EVC: variants seen among roughly 807,000 people sequenced by gnomAD.
EVC encodes the protein EvC ciliary complex subunit 1, also known as evC complex member EVC.
EVC carries 116 observed loss-of-function variants against 118.9 expected under a neutral mutation model. The observed-to-expected ratio is 0.98, with a 90% CI of 0.84 to 1.14. EVC has a LOEUF of 1.14. Ranked by LOEUF, EVC falls within the 50% of genes most tolerant of loss-of-function variation. The pLI, the probability that EVC is intolerant of heterozygous loss-of-function variation, is 0.00. For synonymous variants in EVC, 619 were observed against 534.7 expected (o/e 1.16, Z -2.18); for missense variants, 1,401 against 1,246.4 (o/e 1.12, Z -1.87).
chr4:5,796,144 G>A (rs556040260), intron 13 of EVC, among the ~76,000 whole-genome samples: 5 of 152,220 alleles, frequency 3.3e-5, no homozygotes, highest in Non-Finnish European at 5.9e-5. Flanking sequence ...GTTCTAGGAT[G>A]TCCATTTGAT....
intron 11 of EVC, among the ~76,000 whole-genome samples, chr4:5,775,372 A>G (rs115059490): frequency 0.011 from 1,673 of 152,198 alleles, 35 homozygotes; most frequent in African/African-American, 0.037. Context: ...AACACCCCCA[A>G]TGCCTCCTCC....
rs1374337054 is a variant in EVC at position 5,776,314 on chromosome 4, A to G, written c.1564-7238A>G. 3.3e-5 allele frequency among the ~76,000 whole-genome samples: 5 copies of G among 152,116 alleles called. 1 individual carries two copies. The highest frequency in any genetic ancestry group is 7.2e-5 in the African/African-American group (3 of 41,400). On this transcript the variant is annotated intron_variant, in intron 11 of 20. Transcript: ENST00000264956. ...ATGTTTTGTTTTCTTTTTCTTAAAG[A>G]CTATTTTATCTGCTATTCATGTAGC... is the stretch of plus-strand genomic sequence containing the variant.
intron 5 of EVC, among the ~76,000 whole-genome samples, chr4:5,740,012 C>T (rs145179093): frequency 6.6e-6 from 1 of 152,040 alleles, no homozygotes; most frequent in East Asian, 1.9e-4. Context: ...AAAAGCACTT[C>T]AATGGAGGAA....
At chr4:5,781,048 C>T (rs1735532234) in intron 11 of EVC, among the ~76,000 whole-genome samples, 1 of 152,192 alleles carries the variant, frequency 6.6e-6, no homozygotes, top group Non-Finnish European at 1.5e-5. Context: ...ACGGGCACAT[C>T]TCCTTCCTGT....
chr4:5,719,217 C>G lies in EVC; in HGVS notation c.175-31C>G. 6.2e-7 allele frequency: 1 copy of G among 1,613,948 alleles called. No individual in the cohort carries two copies. The highest frequency in any genetic ancestry group is 2.2e-5 in the East Asian group (1 of 44,862). On this transcript the variant is annotated intron_variant, in intron 1 of 20. Coordinates refer to ENST00000264956, the MANE Select transcript of EVC (RefSeq NM_153717.3). This position sits in a 1 kb window ranked among gnomAD's most constrained non-coding sequence, Gnocchi z 4.7. ...ACTGACCTCAATGTTGTGTTTCTAT[C>G]CACCCCCAACTCCTGACCTTCGGGT... is the stretch of plus-strand genomic sequence containing the variant.
Position 5,743,741 on chromosome 4 carries a change from T to A in EVC, c.802-1463T>A, listed in dbSNP as rs991542324. 1.3e-5 allele frequency among the ~76,000 whole-genome samples: 2 copies of A among 152,254 alleles called. No homozygotes were observed. The highest frequency in any genetic ancestry group is 4.8e-5 in the African/African-American group (2 of 41,476). On this transcript the variant is annotated intron_variant, in intron 6 of 20. Coordinates refer to ENST00000264956, the MANE Select transcript of EVC (RefSeq NM_153717.3). The surrounding 1 kb of genome is among the most constrained non-coding windows in gnomAD (Gnocchi z 4.7). ...ATCCTCAGTATCACCACCATGGTCA[T>A]GGTCCTCAGGCAGTGCACGTCGTGC...
Position 5,719,282 on chromosome 4 carries a change from A to T in EVC, c.209A>T (p.Glu70Val). The T allele has an allele frequency of 6.2e-7, 1 of 1,614,140 alleles. No individual in the cohort carries two copies. Among genetic ancestry groups the T allele is most frequent in the Non-Finnish European group, 8.5e-7 (1 of 1,180,032 alleles). ...ACTCAAAATCTGCTCAAGAATTTGG[A>T]GTCTAATGCGCAGACCCCCTCGGAA... is the stretch of plus-strand genomic sequence containing the variant. ...DDTQNLLKNL[E>V]SNAQTPSETG... Residue 70 changes from glutamate (E) to valine (V), a missense_variant, in exon 2 of 21, where the codon GAG becomes GTG. Coordinates refer to ENST00000264956, the MANE Select transcript of EVC (RefSeq NM_153717.3). This position sits in a 1 kb window ranked among gnomAD's most constrained non-coding sequence, Gnocchi z 4.7.
At chr4:5,721,669 C>A (rs1373397226) in intron 2 of EVC, among the ~76,000 whole-genome samples, 1 of 152,110 alleles carries the variant, frequency 6.6e-6, no homozygotes, top group Non-Finnish European at 1.5e-5. Context: ...GAGTTTGAGA[C>A]CAGCCTGGCC....
At chr4:5,726,840 C>G (rs552609131) in intron 2 of EVC, among the ~76,000 whole-genome samples, 49 of 149,736 alleles carry the variant, frequency 3.3e-4, no homozygotes, top group Admixed American at 8.0e-4. Context: ...TTTGTTCTTG[C>G]GATAGTTTAC....
chr4:5,788,972 G>T (rs1479077522), intron 12 of EVC, among the ~76,000 whole-genome samples: 1 of 152,158 alleles, frequency 6.6e-6, no homozygotes, highest in South Asian at 2.1e-4. Context: ...AGTGTGGCCC[G>T]GGGAAGTCAA....
chr4:5,753,208 G>A (rs1012586989), intron 9 of EVC, among the ~76,000 whole-genome samples, 156 bp downstream of exon 9: 4 of 152,228 alleles, frequency 2.6e-5, no homozygotes, highest in African/African-American at 9.6e-5. Context: ...TCACTGGGCT[G>A]CTCTCTGGGG....
At chr4:5,722,115 A>ATAACC (rs1217426848) in intron 2 of EVC, among the ~76,000 whole-genome samples, 1 of 152,170 alleles carries the variant, frequency 6.6e-6, no homozygotes, top group Admixed American at 6.5e-5. Flanking sequence ...GGCAGGAAGC[A>ATAACC]TAACCTGTCT....
the EVC span, chr4:5,824,608 C>T: frequency 5.3e-6 from 5 of 952,310 alleles, no homozygotes; most frequent in African/African-American, 8.9e-5. Context: ...TCTGTACGAT[C>T]CATGACCTGA....
chr4:5,748,759 C>T (rs1729867807), intron 8 of EVC, among the ~76,000 whole-genome samples: 1 of 97,132 alleles, frequency 1.0e-5, no homozygotes, highest in African/African-American at 4.4e-5. Flanking sequence ...CATCCATTTA[C>T]TCATCCATCC....
At chr4:5,730,278 T>C (rs1726575310) in intron 3 of EVC, among the ~76,000 whole-genome samples, 1 of 152,150 alleles carries the variant, frequency 6.6e-6, no homozygotes, top group Non-Finnish European at 1.5e-5. Context: ...ATCTTGTCAA[T>C]TATTATTTGC....
intron 12 of EVC, among the ~76,000 whole-genome samples, chr4:5,792,137 T>C (rs1219028349): frequency 1.3e-5 from 2 of 152,158 alleles, no homozygotes; most frequent in Non-Finnish European, 2.9e-5. Context: ...GCACATTTCA[T>C]AATATCTAGA....
At chr4:5,825,397 T>C in the EVC span, 2 of 1,471,148 alleles carry the variant, frequency 1.4e-6, no homozygotes, top group Non-Finnish European at 1.8e-6. This position sits in a 1 kb window ranked among gnomAD's most constrained non-coding sequence, Gnocchi z 4.4. Context: ...CTTCATCTAG[T>C]GTCCAAGGCC....
At chr4:5,718,965 C>T (rs988007707) in intron 1 of EVC, among the ~76,000 whole-genome samples, 1 of 152,204 alleles carries the variant, frequency 6.6e-6, no homozygotes, top group Non-Finnish European at 1.5e-5. Flanking sequence ...CTTTGCTCTG[C>T]CTCTTGCCTC....
At chr4:5,806,960 C>T (rs963548256) in intron 17 of EVC, among the ~76,000 whole-genome samples, 14 of 152,092 alleles carry the variant, frequency 9.2e-5, no homozygotes, top group Admixed American at 6.6e-5. Flanking sequence ...TTTTCACATG[C>T]TTCTTGGCCA....
Sources: gnomAD v4.1 joint callset for allele counts (sites outside exome capture counted in the v4.1 genomes callset) on GRCh38, gnomAD v4.1.1 for gene constraint, Gnocchi (gnomAD v3.1) non-coding constraint, MANE v1.5 for transcripts, NCBI Gene and HGNC (gene_info 2026-07-23, HGNC 2026-07-21) for gene names.